Variants in SLC6A15 observed in about 807,000 individuals in gnomAD.
SLC6A15 encodes the protein solute carrier family 6 member 15.
Under a neutral mutation model 68.5 loss-of-function variants are expected in SLC6A15, and 33 were observed. That is an observed-to-expected ratio of 0.48 (90% confidence interval 0.37 to 0.64). SLC6A15 has a LOEUF of 0.64. Among genes scored for constraint, SLC6A15 ranks in the 30% least tolerant of loss-of-function variants. The probability of loss-of-function intolerance (pLI) is 0.00; values close to 1 mark genes in which losing one functional copy is unlikely to be tolerated. For missense variants in SLC6A15, 747 were observed against 874.3 expected, an observed-to-expected ratio of 0.85 and a Z score of 1.84; for synonymous variants, 347 against 301.0, an observed-to-expected ratio of 1.15 and a Z score of -1.58.
chr12:84,890,998 A>T (rs1227910501), intron 2 of SLC6A15, among the ~76,000 whole-genome samples: 1 of 152,148 alleles, frequency 6.6e-6, no homozygotes, highest in Non-Finnish European at 1.5e-5. Flanking sequence ...TTTCAATCCA[A>T]TGTTAGTTAA....
chr12:84,892,185 T>C lies in SLC6A15; in HGVS notation c.-65A>G. 2 of 1,417,900 alleles carry C rather than the reference T, an allele frequency of 1.4e-6. No individual in the cohort carries two copies. Among genetic ancestry groups the C allele is most frequent in the Non-Finnish European group, 1.9e-6 (2 of 1,049,782 alleles). The allele number at this position is 1,417,900 out of a possible 1,614,324, so 87.8% of individuals were successfully genotyped here. A position where few individuals can be genotyped will look rare whatever the true frequency, so the allele number is the denominator to read the frequency against. On this transcript the variant is annotated 5_prime_UTR_variant, in exon 2 of 12. In the 5' UTR this introduces an upstream ATG that the reference lacks. Transcript: ENST00000266682. ...TCCCTTATGGCAAATGTGTTAACTC[T>C]ATTTTTCAAAACAATGTTACTTGAT...
chr12:84,882,116 CAGACTA>C (rs1871847842), intron 5 of SLC6A15: 1 of 985,238 alleles, frequency 1.0e-6, no homozygotes, highest in Admixed American at 6.2e-5. Flanking sequence ...TGCTAAGACA[CAGACTA>C]AGAAGAAACA....
intron 5 of SLC6A15, 62 bp downstream of exon 5, chr12:84,883,797 G>A (rs377641513): frequency 1.2e-6 from 2 of 1,613,836 alleles, no homozygotes; most frequent in Non-Finnish European, 1.7e-6. Context: ...AACAGAATTT[G>A]AGAGAGGGAT....
Position 84,883,984 on chromosome 12 carries a change from C to T in SLC6A15, c.631G>A (p.Ala211Thr), listed in dbSNP as rs1381615330. The stretch of plus-strand genomic sequence containing the variant: ...GAAATGGAACTTGAAATATTCAGTG[C>T]TTCCCTGTACCAGTAATAGGTGGTG... ...SATTYYWYRE[A>T]LNISSSISES... The change falls in exon 5 of 12, where the codon GCA becomes ACA. Residue 211 changes from alanine (A) to threonine (T), a missense_variant. Transcript: ENST00000266682. 6 of 1,614,208 alleles carry T rather than the reference C, an allele frequency of 3.7e-6. No individual in the cohort carries two copies. In the East Asian group the frequency reaches 1.1e-4, roughly 30 times the overall value.
chr12:84,867,776 T>C (rs551992529), intron 9 of SLC6A15: 2 of 152,292 alleles, frequency 1.3e-5, no homozygotes, highest in South Asian at 2.1e-4. Flanking sequence ...ACAGATTAGT[T>C]TGGAAACAAA....
At chr12:84,882,496 G>A in intron 5 of SLC6A15, 1 of 912,426 alleles carries the variant, frequency 1.1e-6, no homozygotes, top group Admixed American at 6.2e-5. Context: ...AAGTTAAAAA[G>A]TCACTAAAAT....
At chr12:84,878,327 C>T (rs867602781) in intron 5 of SLC6A15, among the ~76,000 whole-genome samples, 6 of 152,050 alleles carry the variant, frequency 3.9e-5, no homozygotes, top group East Asian at 3.9e-4. Flanking sequence ...AGAATGCTTT[C>T]GGATGGATTT....
chr12:84,898,321 CAG>C (rs1349790069), intron 1 of SLC6A15, among the ~76,000 whole-genome samples: 1 of 152,176 alleles, frequency 6.6e-6, no homozygotes, highest in African/African-American at 2.4e-5. Context: ...GCCTGGGTGA[CAG>C]AGTGAGATCT....
At chr12:84,903,533 C>A (rs909977071) in intron 1 of SLC6A15, among the ~76,000 whole-genome samples, 2 of 152,016 alleles carry the variant, frequency 1.3e-5, no homozygotes, top group African/African-American at 4.8e-5. Flanking sequence ...TACAGTCAAC[C>A]AAAATCAAGG....
chr12:84,903,842 G>A (rs1420630223), intron 1 of SLC6A15, among the ~76,000 whole-genome samples: 1 of 152,040 alleles, frequency 6.6e-6, no homozygotes, highest in African/African-American at 2.4e-5. Flanking sequence ...TAGATGTCAG[G>A]AAGTAGGAAC....
intron 4 of SLC6A15, among the ~76,000 whole-genome samples, chr12:84,885,105 C>G (rs189051884): frequency 6.6e-6 from 1 of 151,964 alleles, no homozygotes; most frequent in South Asian, 2.1e-4. Flanking sequence ...TTATTTCTGT[C>G]CCCTTTCTGT....
intron 6 of SLC6A15, 88 bp downstream of exon 6, chr12:84,876,409 A>T (rs1192254780): frequency 1.3e-6 from 1 of 749,754 alleles, no homozygotes; most frequent in Non-Finnish European, 2.1e-6. Context: ...CATTAGAACA[A>T]TTATTCCTTA....
At chr12:84,869,237 A>G (rs1592593472) in intron 9 of SLC6A15, among the ~76,000 whole-genome samples, 1 of 152,098 alleles carries the variant, frequency 6.6e-6, no homozygotes. Flanking sequence ...AGGCGGGCGG[A>G]TCACGAGGTC....
At position 84,897,273 on chromosome 12, in the gene SLC6A15, T is replaced by C. The variant is rs1386400678; in HGVS notation, c.-188-4965A>G. 2.6e-5 allele frequency among the ~76,000 whole-genome samples: 4 copies of C among 151,942 alleles called. No individual in the cohort carries two copies. In the East Asian group the frequency reaches 5.8e-4, roughly 22 times the overall value. ...ACTAGAATAAACACTACTGAAACTA[T>C]ATCTGAGGCATGGAGGACAGATGTA... On this transcript the variant is annotated intron_variant, in intron 1 of 11. Transcript: ENST00000266682.
At chr12:84,873,600 A>T (rs1405527058) in intron 6 of SLC6A15, among the ~76,000 whole-genome samples, 3 of 152,196 alleles carry the variant, frequency 2.0e-5, no homozygotes, top group South Asian at 4.1e-4. Flanking sequence ...TAAGAATATC[A>T]AAGGAAATAT....
chr12:84,863,403 T>C, intron 11 of SLC6A15, 36 bp downstream of exon 11: 1 of 1,496,912 alleles, frequency 6.7e-7, no homozygotes, highest in Non-Finnish European at 8.9e-7. Flanking sequence ...TTTTTATATA[T>C]CTTTTAAAAA....
intron 9 of SLC6A15, chr12:84,867,398 T>G (rs1295896089): frequency 3.0e-6 from 1 of 330,382 alleles, no homozygotes; most frequent in Non-Finnish European, 5.4e-6. Flanking sequence ...ACAAATTTAT[T>G]CTAAGACAGT....
intron 11 of SLC6A15, among the ~76,000 whole-genome samples, chr12:84,862,270 C>A (rs774473108): frequency 2.6e-5 from 4 of 152,072 alleles, no homozygotes; most frequent in Non-Finnish European, 4.4e-5. Flanking sequence ...AAAGAGAGAG[C>A]CCAGCTCTCC....
Position 84,876,626 on chromosome 12 carries a change from AAAAAT to A in SLC6A15, c.757-24_757-20del, listed in dbSNP as rs747888636. ...ATATGATCTGCAAAGAAATAAAAAT[AAAAAT>A]AAGTGAGATACAATGACCATTTTTT... On this transcript the variant is annotated intron_variant, in intron 5 of 11. Coordinates refer to ENST00000266682, the MANE Select transcript of SLC6A15 (RefSeq NM_182767.6). 1 of 1,297,028 alleles carries A rather than the reference AAAAAT, an allele frequency of 7.7e-7. No homozygotes were observed. 80.3% of individuals were successfully genotyped at this position (1,297,028 alleles called of 1,614,324 possible). A position where few individuals can be genotyped will look rare whatever the true frequency, so the allele number is the denominator to read the frequency against.
Sources: gnomAD v4.1 joint callset for allele counts (sites outside exome capture counted in the v4.1 genomes callset) on GRCh38, gnomAD v4.1.1 for gene constraint, MANE v1.5 for transcripts, NCBI Gene and HGNC (gene_info 2026-07-23, HGNC 2026-07-21) for gene names.